Variants in JAZF1 observed in about 807,000 individuals in gnomAD.
The protein encoded by JAZF1 is juxtaposed with another zinc finger protein 1.
Under a neutral mutation model 26.4 loss-of-function variants are expected in JAZF1, and 8 were observed. The ratio of observed to expected loss-of-function variants is 0.30; its 90% CI spans 0.18 to 0.55. The LOEUF is 0.55. Ranked by LOEUF, JAZF1 falls within the 20% of genes least tolerant of loss-of-function variation. JAZF1 has a pLI of 0.94. For missense variants in JAZF1, 199 were observed against 322.0 expected (o/e 0.62, Z 2.92); for synonymous variants, 126 against 122.3 (o/e 1.03, Z -0.20).
At position 27,992,003 on chromosome 7, in the gene JAZF1, G is replaced by A. The variant is rs767400309; in HGVS notation, c.116-22C>T. ...GTATCTGTAATAAAAACACAATTACGATTTTTTTTAGATTTTGCATCAGAA... is the reference window on the plus strand; with the variant it reads ...GTATCTGTAATAAAAACACAATTACAATTTTTTTTAGATTTTGCATCAGAA... On this transcript the variant is annotated intron_variant, in intron 1 of 4. Coordinates refer to ENST00000283928, the MANE Select transcript of JAZF1 (RefSeq NM_175061.4). The A allele has an allele frequency of 1.5e-5, 22 of 1,463,554 alleles. No individual in the cohort carries two copies. The African/African-American group carries it at 2.1e-4, about 14-fold the overall frequency. The allele number at this position is 1,463,554 out of a possible 1,614,324, so 90.7% of individuals were successfully genotyped here.
intron 1 of JAZF1, among the ~76,000 whole-genome samples, chr7:28,159,349 T>C (rs1353222509): frequency 5.9e-5 from 9 of 151,568 alleles, no homozygotes. Flanking sequence ...TAACAAATTT[T>C]TTAAAATCTA....
chr7:28,108,525 A>C (rs1457067540), intron 1 of JAZF1, among the ~76,000 whole-genome samples: 2 of 152,134 alleles, frequency 1.3e-5, no homozygotes, highest in African/African-American at 4.8e-5. Context: ...TACGGATCTG[A>C]TCATCCCATG....
chr7:28,152,661 C>T (rs849133), intron 1 of JAZF1, among the ~76,000 whole-genome samples: 61,563 of 151,992 alleles, frequency 0.41, 13,418 homozygotes, highest in Non-Finnish European at 0.5. Flanking sequence ...ATTAAAAATT[C>T]GACTCAGGAA....
At position 28,056,415 on chromosome 7, in the gene JAZF1, C is replaced by T. The variant is rs566001581; in HGVS notation, c.116-64434G>A. Among the ~76,000 whole-genome samples, 7 of 147,954 alleles carry T rather than the reference C, an allele frequency of 4.7e-5. No homozygotes were observed. In the South Asian group the frequency reaches 1.5e-3, roughly 32 times the overall value. On this transcript the variant is annotated intron_variant, in intron 1 of 4. Transcript: ENST00000283928. ...GGCAACATCACGTGGCAGCTTCATT[C>T]CTTGAACTATTTCAACAACTACACA...
Position 28,177,985 on chromosome 7 carries a change from T to C in JAZF1, c.115+2478A>G, listed in dbSNP as rs548769919. On this transcript the variant is annotated intron_variant, in intron 1 of 4. Coordinates refer to ENST00000283928, the MANE Select transcript of JAZF1 (RefSeq NM_175061.4). ...TATAATAGTTTGAGCCTCTTCATCC[T>C]GGGAATTGCAAGTGTTTGTTCATTT... 2.0e-5 allele frequency among the ~76,000 whole-genome samples: 3 copies of C among 152,374 alleles called. No homozygotes were observed. The East Asian group carries it at 5.8e-4, about 29-fold the overall frequency.
chr7:27,937,912 G>A (rs1008851789), intron 2 of JAZF1, among the ~76,000 whole-genome samples: 6 of 152,244 alleles, frequency 3.9e-5, no homozygotes, highest in South Asian at 4.2e-4. Context: ...GAAATACTCC[G>A]GATTGCATTT....
intron 1 of JAZF1, among the ~76,000 whole-genome samples, chr7:28,139,213 A>C (rs1415718462): frequency 1.3e-5 from 2 of 152,196 alleles, no homozygotes; most frequent in Non-Finnish European, 2.9e-5. Context: ...GAAGCTGCCA[A>C]GTTTTTCATG....
At chr7:28,157,817 T>C (rs974566674) in intron 1 of JAZF1, among the ~76,000 whole-genome samples, 3 of 152,170 alleles carry the variant, frequency 2.0e-5, no homozygotes, top group African/African-American at 7.2e-5. Context: ...CACATTTTGG[T>C]GTGACACGGT....
In JAZF1 at chr7:28,065,568, A is replaced by G. The variant is rs539674089; in HGVS notation, c.116-73587T>C. ...CTATCCCAACATGTGTTGTTAAGTC[A>G]GCACAGGATGGCCTACAAATTTTGC... On this transcript the variant is annotated intron_variant, in intron 1 of 4. Coordinates refer to ENST00000283928, the MANE Select transcript of JAZF1 (RefSeq NM_175061.4). Among the ~76,000 whole-genome samples the G allele has an allele frequency of 3.9e-5, 6 of 152,372 alleles. No individual in the cohort carries two copies. The East Asian group carries it at 1.2e-3, about 29-fold the overall frequency.
chr7:27,867,556 G>A (rs1157578526), intron 3 of JAZF1, among the ~76,000 whole-genome samples: 2 of 152,224 alleles, frequency 1.3e-5, no homozygotes, highest in African/African-American at 4.8e-5. Flanking sequence ...AGCACCAGCA[G>A]TGTCGCTTTT....
At chr7:28,017,176 C>G (rs1248056584) in intron 1 of JAZF1, among the ~76,000 whole-genome samples, 1 of 151,930 alleles carries the variant, frequency 6.6e-6, no homozygotes, top group Non-Finnish European at 1.5e-5. Context: ...TACGGTGAAA[C>G]CCCATCTCTA....
intron 2 of JAZF1, among the ~76,000 whole-genome samples, chr7:27,922,307 C>T (rs1371540641): frequency 1.3e-5 from 2 of 152,150 alleles, no homozygotes; most frequent in Non-Finnish European, 2.9e-5. Flanking sequence ...TGCAGTGGCA[C>T]GATCTCAGCT....
At chr7:28,036,422 G>GTTTTC (rs2128376106) in intron 1 of JAZF1, among the ~76,000 whole-genome samples, 1 of 152,298 alleles carries the variant, frequency 6.6e-6, no homozygotes, top group East Asian at 1.9e-4. Context: ...ACCTGAAGTT[G>GTTTTC]TTTTCCTTGT....
chr7:27,952,052 G>C (rs1785019099), intron 2 of JAZF1, among the ~76,000 whole-genome samples: 1 of 152,156 alleles, frequency 6.6e-6, no homozygotes. Flanking sequence ...TAGGCAGGTG[G>C]GGTGGGCACT....
intron 2 of JAZF1, among the ~76,000 whole-genome samples, chr7:27,948,053 G>T (rs1784946098): frequency 6.6e-6 from 1 of 152,194 alleles, no homozygotes; most frequent in Non-Finnish European, 1.5e-5. Flanking sequence ...GGTGTGGCCT[G>T]CAGATGGTCT....
intron 1 of JAZF1, among the ~76,000 whole-genome samples, chr7:28,070,845 C>A (rs936436891): frequency 1.3e-5 from 2 of 152,222 alleles, no homozygotes; most frequent in Non-Finnish European, 2.9e-5. Flanking sequence ...GCATTAAGGT[C>A]ATCCAAAATC....
intron 3 of JAZF1, among the ~76,000 whole-genome samples, chr7:27,853,393 T>A: frequency 6.6e-6 from 1 of 152,128 alleles, no homozygotes; most frequent in East Asian, 1.9e-4. Context: ...TCTTCCCACA[T>A]CCAGGGCTGT....
chr7:28,146,495 A>C (rs768976663), intron 1 of JAZF1, among the ~76,000 whole-genome samples: 2 of 152,234 alleles, frequency 1.3e-5, no homozygotes, highest in Non-Finnish European at 2.9e-5. Context: ...GTAAGTACTA[A>C]TTAAGTATTA....
At chr7:28,159,926 T>C (rs1260735860) in intron 1 of JAZF1, among the ~76,000 whole-genome samples, 1 of 152,138 alleles carries the variant, frequency 6.6e-6, no homozygotes, top group Non-Finnish European at 1.5e-5. Context: ...CGAAATAAAG[T>C]GCTTTGAATT....
Sources: gnomAD v4.1 joint callset for allele counts (sites outside exome capture counted in the v4.1 genomes callset) on GRCh38, gnomAD v4.1.1 for gene constraint, MANE v1.5 for transcripts, NCBI Gene and HGNC (gene_info 2026-07-23, HGNC 2026-07-21) for gene names.